Variants in SREBF1 observed in about 807,000 individuals in gnomAD.
SREBF1 encodes the protein sterol regulatory element-binding protein 1.
In SREBF1, 45 loss-of-function variants were observed where a neutral mutation model predicts 100.1. That is an observed-to-expected ratio of 0.45 (90% confidence interval 0.35 to 0.58). The LOEUF (loss-of-function observed/expected upper bound fraction) is 0.58. SREBF1 is among the 20% of genes least tolerant of loss of function. The pLI, the probability that SREBF1 is intolerant of heterozygous loss-of-function variation, is 0.00. For missense variants in SREBF1, 1,324 were observed against 1,539.4 expected (o/e 0.86, Z 2.34); for synonymous variants, 657 against 681.8 (o/e 0.96, Z 0.57).
chr17:17,829,205 A>AAAAAAAAAT (rs1210718799), intron 1 of SREBF1, among the ~76,000 whole-genome samples: 1 of 65,874 alleles, frequency 1.5e-5, no homozygotes, highest in African/African-American at 8.8e-5. Context: ...AAAAAAAAAA[A>AAAAAAAAAT]ATATATATAT....
intron 18 of SREBF1, 134 bp downstream of exon 18, chr17:17,813,234 G>T (rs2033130417): frequency 2.2e-6 from 2 of 924,456 alleles, no homozygotes; most frequent in South Asian, 1.4e-5. Context: ...CTCCCAAAGT[G>T]CTAGGTGTGA....
chr17:17,811,644 GGCT>G lies in SREBF1; in HGVS notation c.*975_*977del. The G allele has an allele frequency of 2.3e-6, 1 of 442,694 alleles. No homozygotes were observed. The highest frequency in any genetic ancestry group is 1.6e-5 in the South Asian group (1 of 63,004). The allele number at this position is 442,694 out of a possible 1,614,324, so 27.4% of individuals were successfully genotyped here. On this transcript the variant is annotated 3_prime_UTR_variant, in exon 19 of 19. Transcript: ENST00000261646. ...TGTGGCGGCAGGTCGGGAGGGAGGAGGCTTCTTTGCTGTGAGATGACCAGGGGC... is the reference window on the plus strand; with the variant it reads ...TGTGGCGGCAGGTCGGGAGGGAGGAGTCTTTGCTGTGAGATGACCAGGGGC...
intron 11 of SREBF1, 25 bp downstream of exon 11, chr17:17,816,182 G>GCCCCCCCCC: frequency 1.2e-5 from 1 of 81,148 alleles, no homozygotes; most frequent in Non-Finnish European, 2.2e-5. Flanking sequence ...GCAGGGATAA[G>GCCCCCCCCC]CCCCCAGCCC....
intron 1 of SREBF1, among the ~76,000 whole-genome samples, chr17:17,831,512 C>A (rs369205869): frequency 6.6e-6 from 1 of 152,154 alleles, no homozygotes; most frequent in African/African-American, 2.4e-5. Context: ...GCAGACATGA[C>A]GGGGTCCAGG....
Position 17,812,691 on chromosome 17 carries a change from G to A in SREBF1, c.3375C>T (p.Arg1125=). The A allele has an allele frequency of 1.9e-6, 3 of 1,606,244 alleles. No individual in the cohort carries two copies. The highest frequency in any genetic ancestry group is 2.5e-6 in the Non-Finnish European group (3 of 1,176,806). The change falls in exon 19 of 19, where the codon CGC becomes CGT. Residue 1125 remains arginine (R), a synonymous_variant. Transcript: ENST00000261646. The part of the protein sequence containing the change: ...AARTLEKLGD[R]RLLHDCQQML... ...TCTGCTGACAGTCGTGCAGCAGCCG[G>A]CGATCGCCAAGCTTCTCGAGTGTGC... is the stretch of plus-strand genomic sequence containing the variant.
rs756167038 is a variant in SREBF1 at position 17,820,095 on chromosome 17, G to A, written c.518C>T (p.Ser173Phe). ...CCGCCACACATCCCCCTTACCTGTAGAGAAGCCTCCCGGAGGGCTGGGGTA... is the reference window on the plus strand; with the variant it reads ...CCGCCACACATCCCCCTTACCTGTAAAGAAGCCTCCCGGAGGGCTGGGGTA... ...LGYPSPPGGF[S>F]TGSPPGNTQQ... The change falls in exon 2 of 19, where the codon TCT (serine) becomes TTT (phenylalanine). Residue 173 changes from serine to phenylalanine, a missense_variant. By Grantham distance (155) the Ser-to-Phe change is radical (BLOSUM62 -2). Coordinates refer to ENST00000261646, the MANE Select transcript of SREBF1 (RefSeq NM_004176.5). 1.9e-6 allele frequency: 3 copies of A among 1,611,298 alleles called. No homozygotes were observed. The African/African-American group carries it at 4.0e-5, about 22-fold the overall frequency.
In SREBF1 at chr17:17,819,586, C is replaced by T. The variant is rs375671518; in HGVS notation, c.663G>A (p.Thr221=). ...QQLLTVTAAP[T]AAPVTTTVTS... ...TCACAGTGGTCGTTACAGGGGCTGCCGTGGGGGCAGCTGTGACTGTCAGTA... is the reference window on the plus strand; with the variant it reads ...TCACAGTGGTCGTTACAGGGGCTGCTGTGGGGGCAGCTGTGACTGTCAGTA... Residue 221 remains threonine (T), a synonymous_variant, in exon 3 of 19, where the codon ACG becomes ACA. Coordinates refer to ENST00000261646, the MANE Select transcript of SREBF1 (RefSeq NM_004176.5). 183 of 1,613,814 alleles carry T rather than the reference C, an allele frequency of 1.1e-4. No individual in the cohort carries two copies. Among genetic ancestry groups the T allele is most frequent in the Middle Eastern group, 4.9e-4 (3 of 6,062 alleles).
rs1411150956 is a variant in SREBF1 at position 17,819,474 on chromosome 17, G to A, written c.712-20C>T. ...CAGGACCTGAGGGTGGGAGAGGCTT[G>A]GCTGTAAGCTGTGTGTCTGGGCTGG... On this transcript the variant is annotated intron_variant, in intron 3 of 18. Transcript: ENST00000261646. 6.2e-7 allele frequency: 1 copy of A among 1,613,356 alleles called. No individual in the cohort carries two copies. The highest frequency in any genetic ancestry group is 8.5e-7 in the Non-Finnish European group (1 of 1,180,036).
rs368594318 is a variant in SREBF1 at position 17,816,700 on chromosome 17, C to T, written c.1804G>A (p.Ala602Thr). 1.9e-6 allele frequency: 3 copies of T among 1,581,252 alleles called. No individual in the cohort carries two copies. Among genetic ancestry groups the T allele is most frequent in the African/African-American group, 2.7e-5 (2 of 74,478 alleles). ...CGCAGGGCCAGCCACAGCTGCTGGG[C>T]AGCCTGGGCAAAGTCTCCCTGTGGA... ...DLARGDFAQA[A>T]QQLWLALRAL... is the part of the protein sequence containing the mutation. Residue 602 changes from alanine to threonine, a missense_variant, in exon 10 of 19, where the codon GCC (alanine) becomes ACC (threonine). Ala to Thr is a moderately conservative substitution (Grantham distance 58). Transcript: ENST00000261646.
chr17:17,836,714 C>A lies in SREBF1; in HGVS notation c.91+13G>T. 1 of 1,556,764 alleles carries A rather than the reference C, an allele frequency of 6.4e-7. No individual in the cohort carries two copies. ...ACCCGGCGCAGCTTCAAGCCCTGCC[C>A]GCCCTGACGCACCTTCGATGTCGGT... On this transcript the variant is annotated intron_variant, in intron 1 of 18. Coordinates refer to ENST00000261646, the MANE Select transcript of SREBF1 (RefSeq NM_004176.5).
At chr17:17,816,777 C>T in intron 9 of SREBF1, 59 bp from the exon 10 acceptor site, 1 of 1,567,478 alleles carries the variant, frequency 6.4e-7, no homozygotes, top group Non-Finnish European at 8.6e-7. Context: ...CCCCAAAGCT[C>T]AGAAGAGCCG....
At chr17:17,815,505 C>A (rs774321896) in intron 12 of SREBF1, 176 bp from the exon 13 acceptor site, 29 of 611,490 alleles carry the variant, frequency 4.7e-5, no homozygotes, top group Non-Finnish European at 8.2e-5. Flanking sequence ...TAACTATCAC[C>A]AGCACCAGCC....
rs56155608 is a variant in SREBF1, at chr17:17,813,539, G to A, written c.3102+30C>T. 5,885 of 1,592,550 alleles carry A rather than the reference G, an allele frequency of 3.7e-3. 151 individuals carry two copies. The African/African-American group carries it at 0.06, about 16-fold the overall frequency. On this transcript the variant is annotated intron_variant, in intron 17 of 18. Transcript: ENST00000261646. ...CATCTCCACCACTGCCTGACTCCCCGTCTTGAGGACAGGGCCATCGGGCAC... is the reference window on the plus strand; with the variant it reads ...CATCTCCACCACTGCCTGACTCCCCATCTTGAGGACAGGGCCATCGGGCAC...
In SREBF1 at chr17:17,820,220, G is replaced by C; in HGVS notation, c.393C>G (p.Ile131Met). 1 of 1,613,700 alleles carries C rather than the reference G, an allele frequency of 6.2e-7. No individual in the cohort carries two copies. The highest frequency in any genetic ancestry group is 8.5e-7 in the Non-Finnish European group (1 of 1,179,940). Residue 131 changes from isoleucine to methionine, a missense_variant, in exon 2 of 19, where the codon ATC becomes ATG. Transcript: ENST00000261646. ...GIKEESVPLS[I>M]LQTPTPQPLP... ...GGGGCTGTGGGGTGGGGGTCTGCAG[G>C]ATGCTCAGTGGCACTGACTCTTCCT...
rs567649807 is a variant in SREBF1 at position 17,823,579 on chromosome 17, G to C, written c.92-3058C>G. The C allele has an allele frequency of 6.2e-6, 10 of 1,613,304 alleles. No homozygotes were observed. In the African/African-American group the frequency reaches 1.3e-4, roughly 22 times the overall value. ...CCGCCCTTGGGGCGTCCAGGCCGTT[G>C]GCCCTACCCCTCCCCGCGCCGACTT... On this transcript the variant is annotated intron_variant, in intron 1 of 18. Coordinates refer to ENST00000261646, the MANE Select transcript of SREBF1 (RefSeq NM_004176.5).
intron 1 of SREBF1, among the ~76,000 whole-genome samples, chr17:17,835,451 C>G (rs745377139): frequency 1.3e-5 from 2 of 152,198 alleles, no homozygotes; most frequent in Non-Finnish European, 2.9e-5. Flanking sequence ...GGGCTGGCAA[C>G]CAGCTGGGCT....
At chr17:17,833,474 TAC>T (rs58638639) in intron 1 of SREBF1, among the ~76,000 whole-genome samples, 1,793 of 110,656 alleles carry the variant, frequency 0.016, 29 homozygotes, top group African/African-American at 0.052. Flanking sequence ...TATATATATA[TAC>T]ACACACACAT....
Position 17,829,200 on chromosome 17 carries a change from AAAAAAATATAT to A in SREBF1, c.91+7516_91+7526del, listed in dbSNP as rs1178283704. ...GAACGAGACTCCATCTTAAAAAAAAAAAAAAATATATATATATATATATATATATATATATG... is the reference window on the plus strand; with the variant it reads ...GAACGAGACTCCATCTTAAAAAAAAAATATATATATATATATATATATATG... On this transcript the variant is annotated intron_variant, in intron 1 of 18. Coordinates refer to ENST00000261646, the MANE Select transcript of SREBF1 (RefSeq NM_004176.5). 2.9e-3 allele frequency among the ~76,000 whole-genome samples: 88 copies of A among 30,590 alleles called. 6 individuals are homozygous for A. Among genetic ancestry groups the A allele is most frequent in the African/African-American group, 8.3e-3 (88 of 10,640 alleles). The allele number at this position is 30,590 out of a possible 152,430, so 20.1% of individuals were successfully genotyped here.
chr17:17,822,844 C>T (rs1469066240), intron 1 of SREBF1, among the ~76,000 whole-genome samples: 2 of 152,232 alleles, frequency 1.3e-5, no homozygotes, highest in Non-Finnish European at 2.9e-5. Flanking sequence ...CTGACAGGTA[C>T]CCAGGCAGGG....
Sources: allele counts gnomAD v4.1 joint callset (sites outside exome capture counted in the v4.1 genomes callset), GRCh38; gene constraint gnomAD v4.1.1; transcripts MANE v1.5; gene names NCBI Gene and HGNC (gene_info 2026-07-23, HGNC 2026-07-21).